FAM13A: variants seen among roughly 807,000 people sequenced by gnomAD.
FAM13A encodes the protein family with sequence similarity 13 member A, also known as protein FAM13A.
FAM13A carries 76 observed loss-of-function variants against 129.6 expected under a neutral mutation model. The ratio of observed to expected loss-of-function variants is 0.59; its 90% CI spans 0.49 to 0.71. The LOEUF is 0.71. FAM13A is among the 30% of genes least tolerant of loss of function. The pLI, the probability that FAM13A is intolerant of heterozygous loss-of-function variation, is 0.00. For missense variants in FAM13A, 1,108 were observed against 1,249.3 expected, an observed-to-expected ratio of 0.89 and a Z score of 1.70; for synonymous variants, 443 against 449.9, an observed-to-expected ratio of 0.98 and a Z score of 0.20.
chr4:88,776,468 TA>T (rs1218381502), intron 11 of FAM13A, among the ~76,000 whole-genome samples: 1 of 152,180 alleles, frequency 6.6e-6, no homozygotes, highest in Admixed American at 6.6e-5. Flanking sequence ...GAAAAGCACT[TA>T]AAATATAACT....
At chr4:88,859,796 A>T (rs1364260394) in intron 6 of FAM13A, among the ~76,000 whole-genome samples, 1 of 152,140 alleles carries the variant, frequency 6.6e-6, no homozygotes, top group African/African-American at 2.4e-5. Context: ...TGGGATTTTA[A>T]GGTAGCAGAC....
intron 3 of FAM13A, among the ~76,000 whole-genome samples, chr4:88,996,251 G>A (rs1763523249): frequency 6.6e-6 from 1 of 152,176 alleles, no homozygotes; most frequent in African/African-American, 2.4e-5. Context: ...CTGTGTGAGG[G>A]TTTTGAGCTG....
chr4:89,028,075 G>A (rs986879783), intron 2 of FAM13A, among the ~76,000 whole-genome samples: 2 of 150,970 alleles, frequency 1.3e-5, no homozygotes, highest in South Asian at 4.2e-4. Context: ...ATAGCTGGGT[G>A]TTCATCTGTA....
intron 3 of FAM13A, among the ~76,000 whole-genome samples, chr4:89,014,600 TC>T (rs1209781460): frequency 6.6e-6 from 1 of 152,202 alleles, no homozygotes; most frequent in African/African-American, 2.4e-5. Context: ...TTATTAGTTC[TC>T]CAAATTAATA....
chr4:89,020,354 C>G (rs1367774392), intron 3 of FAM13A, 106 bp downstream of exon 3: 11 of 700,652 alleles, frequency 1.6e-5, no homozygotes, highest in Non-Finnish European at 2.3e-5. Context: ...TGGCTTCAAG[C>G]AATCTTTCTA....
rs186392625 is a variant in FAM13A, at chr4:88,831,365, G to A, written c.1007+19655C>T. ...TTGTTAAATGATATTTCCTGACAGCGGAGAAGCAGGCTTTAGCAGGGCTTC... is the reference window on the plus strand; with the variant it reads ...TTGTTAAATGATATTTCCTGACAGCAGAGAAGCAGGCTTTAGCAGGGCTTC... On this transcript the variant is annotated intron_variant, in intron 7 of 23. Coordinates refer to ENST00000264344, the MANE Select transcript of FAM13A (RefSeq NM_014883.4). Among the ~76,000 whole-genome samples, 21 of 152,282 alleles carry A rather than the reference G, an allele frequency of 1.4e-4. No homozygotes were observed. In the East Asian group the frequency reaches 2.9e-3, roughly 21 times the overall value.
intron 7 of FAM13A, among the ~76,000 whole-genome samples, chr4:88,844,721 A>T (rs9991039): frequency 0.34 from 51,082 of 151,936 alleles, 8,976 homozygotes; most frequent in South Asian, 0.55. Flanking sequence ...TAGGCACAAG[A>T]AAGCCATTAT....
intron 14 of FAM13A, among the ~76,000 whole-genome samples, chr4:88,753,106 A>T (rs1304731647): frequency 6.6e-6 from 1 of 152,230 alleles, no homozygotes; most frequent in Non-Finnish European, 1.5e-5. Context: ...TACATCCTGA[A>T]GCCCTTTAAT....
chr4:88,903,972 A>G (rs1747740552), intron 6 of FAM13A, among the ~76,000 whole-genome samples: 2 of 152,198 alleles, frequency 1.3e-5, no homozygotes, highest in Admixed American at 1.3e-4. Context: ...ATGAACAGGC[A>G]CTTCTCAAAA....
chr4:88,992,352 T>C (rs533011293), intron 3 of FAM13A, among the ~76,000 whole-genome samples: 1 of 151,852 alleles, frequency 6.6e-6, no homozygotes, highest in Non-Finnish European at 1.5e-5. Flanking sequence ...CTGCAACCTC[T>C]GCCTCCTGGG....
At position 88,938,195 on chromosome 4, in the gene FAM13A, T is replaced by C; in HGVS notation, c.652A>G (p.Lys218Glu). ...EGMKEQDLCN[K>E]IMAKILENYN... ...TTTTCTAGAATTTTAGCCATTATCT[T>C]GTTGCACAGGTCCTGTTCCTTCATG... Residue 218 changes from lysine to glutamate, a missense_variant, in exon 5 of 24, where the codon AAG (lysine) becomes GAG (glutamate). Coordinates refer to ENST00000264344, the MANE Select transcript of FAM13A (RefSeq NM_014883.4). 1 of 1,613,622 alleles carries C rather than the reference T, an allele frequency of 6.2e-7. No homozygotes were observed. Among genetic ancestry groups the C allele is most frequent in the South Asian group, 1.1e-5 (1 of 90,982 alleles).
At chr4:89,014,915 G>C (rs1352327038) in intron 3 of FAM13A, among the ~76,000 whole-genome samples, 1 of 152,220 alleles carries the variant, frequency 6.6e-6, no homozygotes, top group African/African-American at 2.4e-5. Context: ...CTGCCTGAGA[G>C]CTGGGCAGAA....
chr4:88,932,915 T>C (rs1053390158), intron 5 of FAM13A, among the ~76,000 whole-genome samples: 3 of 152,150 alleles, frequency 2.0e-5, no homozygotes, highest in Non-Finnish European at 4.4e-5. Context: ...CATAATTATT[T>C]TATAGCCAGA....
intron 14 of FAM13A, among the ~76,000 whole-genome samples, chr4:88,754,313 C>T (rs936486309): frequency 6.6e-6 from 1 of 152,178 alleles, no homozygotes; most frequent in Admixed American, 6.5e-5. Flanking sequence ...AGTTCAGACA[C>T]TATAGTACAC....
At chr4:88,946,204 C>T (rs1467070264) in intron 4 of FAM13A, among the ~76,000 whole-genome samples, 1 of 150,700 alleles carries the variant, frequency 6.6e-6, no homozygotes, top group African/African-American at 2.4e-5. Context: ...AGCTAATAGC[C>T]AATCAGGTAA....
At chr4:89,036,899 C>G (rs990784703) in intron 1 of FAM13A, among the ~76,000 whole-genome samples, 1 of 152,212 alleles carries the variant, frequency 6.6e-6, no homozygotes, top group African/African-American at 2.4e-5. Flanking sequence ...TATGGGTGCA[C>G]AGAGGGCAAA....
chr4:88,884,829 C>A (rs1744144345), intron 6 of FAM13A, among the ~76,000 whole-genome samples: 1 of 152,142 alleles, frequency 6.6e-6, no homozygotes, highest in South Asian at 2.1e-4. Context: ...GCACACAAAT[C>A]AGTAGCTGTG....
intron 6 of FAM13A, among the ~76,000 whole-genome samples, chr4:88,876,033 T>A (rs1742375641): frequency 6.6e-6 from 1 of 152,052 alleles, no homozygotes; most frequent in Non-Finnish European, 1.5e-5. Flanking sequence ...CAGCAAACTA[T>A]CGCAAGGACA....
chr4:88,736,755 A>C (rs1739064870), intron 21 of FAM13A: 1 of 152,186 alleles, frequency 6.6e-6, no homozygotes, highest in African/African-American at 2.4e-5. Context: ...CATTCTAGCA[A>C]AAGTAGCCAC....
Sources: allele counts gnomAD v4.1 joint callset (sites outside exome capture counted in the v4.1 genomes callset), GRCh38; gene constraint gnomAD v4.1.1; transcripts MANE v1.5; gene names NCBI Gene and HGNC (gene_info 2026-07-23, HGNC 2026-07-21).